The following XKR9 variants were observed in gnomAD, a reference collection of about 807,000 sequenced individuals.
The protein encoded by XKR9 is XK related 9, also known as XK-related protein 9.
In XKR9, 32 loss-of-function variants were observed where a neutral mutation model predicts 32.0. That is an observed-to-expected ratio of 1.00 (90% CI 0.76 to 1.34). The LOEUF is 1.34. XKR9 is among the 40% of genes most tolerant of loss of function. The probability of loss-of-function intolerance (pLI) is 0.00; values close to 1 mark genes in which losing one functional copy is unlikely to be tolerated. For missense variants in XKR9, 546 were observed against 429.7 expected (o/e 1.27, Z -2.39); for synonymous variants, 168 against 143.4 (o/e 1.17, Z -1.22).
chr8:70,801,238 C>G, the XKR9 span, among the ~76,000 whole-genome samples: 937 of 152,006 alleles, frequency 6.2e-3, 37 homozygotes, highest in Admixed American at 0.055. Flanking sequence ...TTTCTAGTTC[C>G]TCTAGGTGTG....
chr8:70,818,660 C>T, the XKR9 span, among the ~76,000 whole-genome samples: 4 of 152,102 alleles, frequency 2.6e-5, no homozygotes, highest in Non-Finnish European at 5.9e-5. Context: ...ATCATTTTTA[C>T]TGGGTTGTGC....
chr8:70,919,126 T>C, the XKR9 span, among the ~76,000 whole-genome samples: 2 of 152,146 alleles, frequency 1.3e-5, no homozygotes, highest in Admixed American at 6.5e-5. Flanking sequence ...TGACAAGGAC[T>C]GGGGCTAGAA....
At chr8:70,763,173 T>C (rs1490565911) in intron 2 of XKR9, among the ~76,000 whole-genome samples, 1 of 131,444 alleles carries the variant, frequency 7.6e-6, no homozygotes, top group African/African-American at 2.5e-5. Flanking sequence ...GATTAAGGGG[T>C]CTTTGATAGT....
chr8:71,045,133 C>T, the XKR9 span, among the ~76,000 whole-genome samples: 1 of 152,060 alleles, frequency 6.6e-6, no homozygotes, highest in Non-Finnish European at 1.5e-5. Flanking sequence ...TCTTTTATTT[C>T]CAACACTGTT....
chr8:71,021,744 G>T, the XKR9 span, among the ~76,000 whole-genome samples: 1 of 151,916 alleles, frequency 6.6e-6, no homozygotes, highest in African/African-American at 2.4e-5. Context: ...CTCGTGATCC[G>T]CCCGTCTCGG....
chr8:70,721,310 G>C (rs959219854), intron 4 of XKR9, among the ~76,000 whole-genome samples: 4 of 151,834 alleles, frequency 2.6e-5, no homozygotes, highest in African/African-American at 9.7e-5. Context: ...CTTCAGTTCT[G>C]CTCTGAGCTT....
At chr8:70,816,844 C>T in the XKR9 span, among the ~76,000 whole-genome samples, 1 of 152,060 alleles carries the variant, frequency 6.6e-6, no homozygotes, top group Admixed American at 6.6e-5. Flanking sequence ...TTGTGATTCA[C>T]CACATAAACA....
the XKR9 span, among the ~76,000 whole-genome samples, chr8:71,007,499 C>T: frequency 3.9e-5 from 6 of 152,034 alleles, no homozygotes; most frequent in East Asian, 1.2e-3. Flanking sequence ...GAATAACAGA[C>T]TATTTTTAAA....
At chr8:70,882,726 G>A in the XKR9 span, among the ~76,000 whole-genome samples, 1 of 151,864 alleles carries the variant, frequency 6.6e-6, no homozygotes, top group African/African-American at 2.4e-5. Flanking sequence ...GTGCACTAGT[G>A]TTGTACATTT....
intron 1 of XKR9, among the ~76,000 whole-genome samples, chr8:70,670,098 A>G (rs1219923201): frequency 1.3e-5 from 2 of 152,212 alleles, no homozygotes; most frequent in East Asian, 1.9e-4. Flanking sequence ...GGTGGACACT[A>G]TTTTTGTTAC....
At chr8:70,921,660 A>C in the XKR9 span, among the ~76,000 whole-genome samples, 1 of 152,220 alleles carries the variant, frequency 6.6e-6, no homozygotes, top group South Asian at 2.1e-4. Context: ...CAAAAATGTG[A>C]TGGGCTGTGT....
the XKR9 span, among the ~76,000 whole-genome samples, chr8:70,797,582 T>C: frequency 6.6e-6 from 1 of 152,072 alleles, no homozygotes; most frequent in South Asian, 2.1e-4. Context: ...ACTTTTATTT[T>C]AGGTTCAGGG....
At chr8:70,887,440 GT>G in the XKR9 span, among the ~76,000 whole-genome samples, 5 of 151,894 alleles carry the variant, frequency 3.3e-5, no homozygotes, top group African/African-American at 7.3e-5. Context: ...ATTTAAAGTA[GT>G]TTTTTTCTAA....
chr8:70,700,570 T>C (rs1805484965), intron 3 of XKR9, among the ~76,000 whole-genome samples: 1 of 152,152 alleles, frequency 6.6e-6, no homozygotes, highest in African/African-American at 2.4e-5. Flanking sequence ...TACCCAGCCA[T>C]GTGAGGTGTC....
intron 4 of XKR9, among the ~76,000 whole-genome samples, chr8:70,726,586 G>A (rs943498383): frequency 9.9e-5 from 15 of 152,158 alleles, no homozygotes; most frequent in Non-Finnish European, 7.4e-5. Flanking sequence ...ACTGTAACAG[G>A]AGATGAAACA....
At chr8:70,997,674 G>A in the XKR9 span, among the ~76,000 whole-genome samples, 1 of 152,074 alleles carries the variant, frequency 6.6e-6, no homozygotes, top group African/African-American at 2.4e-5. Context: ...TACACTGCTT[G>A]GGCGATGGGT....
the XKR9 span, among the ~76,000 whole-genome samples, chr8:70,919,223 T>G: frequency 0.084 from 12,795 of 152,210 alleles, 615 homozygotes; most frequent in African/African-American, 0.098. Flanking sequence ...TCTTTATCTG[T>G]TGAAAAGGAA....
chr8:70,791,389 A>G (rs1807762501), downstream of XKR9, among the ~76,000 whole-genome samples: 1 of 152,068 alleles, frequency 6.6e-6, no homozygotes, highest in African/African-American at 2.4e-5. Context: ...TTAAAAAATG[A>G]TTAATATGAT....
chr8:71,027,649 C>G, the XKR9 span, among the ~76,000 whole-genome samples: 1 of 152,010 alleles, frequency 6.6e-6, no homozygotes, highest in Non-Finnish European at 1.5e-5. Flanking sequence ...GACAATGTAT[C>G]TAAGGGAATG....
Sources: allele counts gnomAD v4.1 joint callset (sites outside exome capture counted in the v4.1 genomes callset), GRCh38; gene constraint gnomAD v4.1.1; transcripts MANE v1.5; gene names NCBI Gene and HGNC (gene_info 2026-07-23, HGNC 2026-07-21).